Variants in CFAP77 observed in about 807,000 individuals in gnomAD.
CFAP77 encodes the protein cilia and flagella associated protein 77, also known as cilia- and flagella-associated protein 77.
Under a neutral mutation model 31.1 loss-of-function variants are expected in CFAP77, and 25 were observed. That is an observed-to-expected ratio of 0.80 (90% CI 0.59 to 1.12). CFAP77 has a LOEUF of 1.12. Among genes scored for constraint, CFAP77 ranks in the 50% most tolerant of loss-of-function variants. The probability of loss-of-function intolerance (pLI) is 0.00; values close to 1 mark genes in which losing one functional copy is unlikely to be tolerated. For missense variants in CFAP77, 377 were observed against 397.3 expected (o/e 0.95, Z 0.44); for synonymous variants, 151 against 159.9 (o/e 0.94, Z 0.42).
intron 1 of CFAP77, among the ~76,000 whole-genome samples, chr9:132,442,305 C>A (rs1850627382): frequency 6.6e-6 from 1 of 152,232 alleles, no homozygotes; most frequent in South Asian, 2.1e-4. Context: ...AATCCCAGCA[C>A]TTTGGGAGGC....
chr9:132,509,060 G>A lies in CFAP77; in HGVS notation c.524+9460G>A, dbSNP rs529769168. Among the ~76,000 whole-genome samples, 45 of 152,332 alleles carry A rather than the reference G, an allele frequency of 3.0e-4. 1 individual carries two copies. Among genetic ancestry groups the A allele is most frequent in the Admixed American group, 2.5e-3 (38 of 15,308 alleles). On this transcript the variant is annotated intron_variant, in intron 3 of 5. Coordinates refer to ENST00000393216, the MANE Select transcript of CFAP77 (RefSeq NM_001282957.2). Reference sequence around the variant, plus strand: ...TCCTCAGCAGCGAGATGGCGGCTACGAACAACAGTTACAGCAATGAACGGC... The same window carrying A: ...TCCTCAGCAGCGAGATGGCGGCTACAAACAACAGTTACAGCAATGAACGGC...
chr9:132,449,280 TCTCCTACTCCTGGCTGCACTCACCCTC>T (rs1564207830), intron 1 of CFAP77, among the ~76,000 whole-genome samples: 28 of 78,376 alleles, frequency 3.6e-4, no homozygotes, highest in Non-Finnish European at 6.4e-4. Context: ...CTCACCCTCC[TCTCCTACTCCTGGCTGCACTCACCCTC>T]CTCTCCTACT....
At chr9:132,485,664 C>T (rs959025090) in intron 1 of CFAP77, among the ~76,000 whole-genome samples, 3 of 152,110 alleles carry the variant, frequency 2.0e-5, no homozygotes, top group South Asian at 2.1e-4. Flanking sequence ...AGTGGATAAC[C>T]CACCAAACAG....
At position 132,565,477 on chromosome 9, in the gene CFAP77, A is replaced by C. The variant is rs1216524967; in HGVS notation, c.733-6911A>C. ...AAACCCCGTCTCTACTAAAAATATA[A>C]AAAATTAGCTGGGCGTGATGGCAGA... is the stretch of plus-strand genomic sequence containing the variant. On this transcript the variant is annotated intron_variant, in intron 5 of 5. Coordinates refer to ENST00000393216, the MANE Select transcript of CFAP77 (RefSeq NM_001282957.2). The surrounding 1 kb of genome is among the most constrained non-coding windows in gnomAD (Gnocchi z 4.1). Among the ~76,000 whole-genome samples, 2 of 152,022 alleles carry C rather than the reference A, an allele frequency of 1.3e-5. No homozygotes were observed. Among genetic ancestry groups the C allele is most frequent in the Non-Finnish European group, 2.9e-5 (2 of 68,002 alleles).
At chr9:132,508,539 C>T (rs1006741550) in intron 3 of CFAP77, among the ~76,000 whole-genome samples, 2 of 152,112 alleles carry the variant, frequency 1.3e-5, no homozygotes, top group African/African-American at 4.8e-5. Flanking sequence ...GCCGCAGAGA[C>T]ACAGCAGCTG....
At chr9:132,445,379 C>T (rs976906291) in intron 1 of CFAP77, among the ~76,000 whole-genome samples, 8 of 152,206 alleles carry the variant, frequency 5.3e-5, no homozygotes, top group African/African-American at 1.9e-4. Flanking sequence ...TTCACTTAGC[C>T]TCATCTTCAT....
At chr9:132,474,682 C>T (rs1488083893) in intron 1 of CFAP77, among the ~76,000 whole-genome samples, 2 of 152,120 alleles carry the variant, frequency 1.3e-5, no homozygotes, top group Admixed American at 6.5e-5. Flanking sequence ...AAGTTATTGA[C>T]CAACAGGCAC....
chr9:132,501,382 T>C lies in CFAP77; in HGVS notation c.524+1782T>C, dbSNP rs562633194. 2.4e-4 allele frequency among the ~76,000 whole-genome samples: 37 copies of C among 151,572 alleles called. No individual in the cohort carries two copies. Among genetic ancestry groups the C allele is most frequent in the African/African-American group, 8.7e-4 (36 of 41,330 alleles). ...TGAGTTCAAGACTCTTTGGGCCAGC[T>C]CAGGTTACATGACTATCTTCTTTTT... On this transcript the variant is annotated intron_variant, in intron 3 of 5. Coordinates refer to ENST00000393216, the MANE Select transcript of CFAP77 (RefSeq NM_001282957.2). This position sits in a 1 kb window ranked among gnomAD's most constrained non-coding sequence, Gnocchi z 4.6.
intron 1 of CFAP77, among the ~76,000 whole-genome samples, chr9:132,436,244 C>T (rs1303735381): frequency 1.3e-5 from 2 of 152,122 alleles, no homozygotes; most frequent in Non-Finnish European, 2.9e-5. Flanking sequence ...TCTAGTGGCT[C>T]CAGGTGTTCT....
intron 1 of CFAP77, among the ~76,000 whole-genome samples, chr9:132,433,846 C>T (rs1395201890): frequency 6.6e-6 from 1 of 152,068 alleles, no homozygotes; most frequent in African/African-American, 2.4e-5. Flanking sequence ...CCTCTACCAA[C>T]CTATTTATTC....
intron 4 of CFAP77, among the ~76,000 whole-genome samples, chr9:132,537,920 G>C (rs903851114): frequency 6.6e-6 from 1 of 152,188 alleles, no homozygotes; most frequent in Admixed American, 6.5e-5. Context: ...TCAGAGCGTA[G>C]AGGAGATGGG....
chr9:132,418,565 A>C (rs1225205304), intron 1 of CFAP77, among the ~76,000 whole-genome samples: 1 of 152,218 alleles, frequency 6.6e-6, no homozygotes, highest in African/African-American at 2.4e-5. Context: ...ATGGCTATTT[A>C]AAATCCCCGC....
chr9:132,447,585 G>A (rs959807463), intron 1 of CFAP77, among the ~76,000 whole-genome samples: 2 of 152,230 alleles, frequency 1.3e-5, no homozygotes, highest in African/African-American at 4.8e-5. Context: ...ATGCGGAGTG[G>A]CTGCGGTCGG....
intron 1 of CFAP77, among the ~76,000 whole-genome samples, chr9:132,465,073 C>CAAAAAAAAAAAAAA (rs773917029): frequency 1.2e-5 from 1 of 82,852 alleles, no homozygotes. Context: ...GACTCTGTCT[C>CAAAAAAAAAAAAAA]AAAAAAAAAA....
intron 5 of CFAP77, among the ~76,000 whole-genome samples, chr9:132,549,966 A>C (rs1173800145): frequency 6.6e-6 from 1 of 152,266 alleles, no homozygotes; most frequent in Non-Finnish European, 1.5e-5. Flanking sequence ...CAAGCCACAA[A>C]TAGCCAGAGC....
chr9:132,458,342 C>CGTGGG (rs145223432), intron 1 of CFAP77, among the ~76,000 whole-genome samples: 1,011 of 70,588 alleles, frequency 0.014, 27 homozygotes, highest in Non-Finnish European at 0.022. Context: ...GTCTCCCTGG[C>CGTGGG]GGGGGAGGGG....
chr9:132,448,964 G>A (rs1213825458), intron 1 of CFAP77, among the ~76,000 whole-genome samples: 1 of 152,124 alleles, frequency 6.6e-6, no homozygotes, highest in East Asian at 1.9e-4. Context: ...AGAATAATTG[G>A]GAGATAGGCA....
At position 132,497,839 on chromosome 9, in the gene CFAP77, C is replaced by T. The variant is rs980824154; in HGVS notation, c.196-856C>T. Among the ~76,000 whole-genome samples the T allele has an allele frequency of 3.9e-5, 6 of 152,074 alleles. No homozygotes were observed. Among genetic ancestry groups the T allele is most frequent in the African/African-American group, 1.4e-4 (6 of 41,380 alleles). ...CTGATGCAGCGGGTGCGATGGGGTT[C>T]GAAGCACTGTGCAGGACAGGGTCTC... On this transcript the variant is annotated intron_variant, in intron 1 of 5. Transcript: ENST00000393216. This position sits in a 1 kb window ranked among gnomAD's most constrained non-coding sequence, Gnocchi z 4.9.
At chr9:132,412,327 A>T (rs1210612536) in intron 1 of CFAP77, among the ~76,000 whole-genome samples, 1 of 152,214 alleles carries the variant, frequency 6.6e-6, no homozygotes, top group Non-Finnish European at 1.5e-5. Context: ...TCCACCAGGG[A>T]CAGCCAGGGG....
Sources: allele counts gnomAD v4.1 joint callset (sites outside exome capture counted in the v4.1 genomes callset), GRCh38; gene constraint gnomAD v4.1.1; non-coding constraint Gnocchi (gnomAD v3.1); transcripts MANE v1.5; gene names NCBI Gene and HGNC (gene_info 2026-07-23, HGNC 2026-07-21).